The following MVB12B variants were observed in gnomAD, a reference collection of about 807,000 sequenced individuals.
MVB12B encodes multivesicular body subunit 12B, also known as ESCRT-I complex subunit MVB12B.
In MVB12B, 16 loss-of-function variants were observed where a neutral mutation model predicts 41.6. The observed-to-expected ratio is 0.38, with a 90% confidence interval of 0.26 to 0.58. The LOEUF is 0.58. MVB12B is among the 20% of genes least tolerant of loss of function. The pLI, the probability that MVB12B is intolerant of heterozygous loss-of-function variation, is 0.62. For synonymous variants in MVB12B, 133 were observed against 139.7 expected (o/e 0.95, Z 0.34); for missense variants, 274 against 380.2 (o/e 0.72, Z 2.32).
intron 7 of MVB12B, among the ~76,000 whole-genome samples, chr9:126,469,542 C>G (rs757988186): frequency 6.6e-6 from 1 of 152,244 alleles, no homozygotes; most frequent in African/African-American, 2.4e-5. Context: ...GGGGGACAGG[C>G]GTGCTCCGTA....
chr9:126,420,297 T>A (rs1437801810), intron 6 of MVB12B, among the ~76,000 whole-genome samples: 1 of 152,244 alleles, frequency 6.6e-6, no homozygotes. Flanking sequence ...GTTCCCTCCA[T>A]GCACGCCAGT....
Position 126,468,034 on chromosome 9 carries a change from C to CT in MVB12B, c.758-13334dup, listed in dbSNP as rs745384527. ...CACACACAGATGTGCGCTTATGTAT[C>CT]TGTCTACAACTACATATTAAAACCG... On this transcript the variant is annotated intron_variant, in intron 7 of 9. Transcript: ENST00000361171. This position sits in a 1 kb window ranked among gnomAD's most constrained non-coding sequence, Gnocchi z 4.3. 1.3e-5 allele frequency among the ~76,000 whole-genome samples: 2 copies of CT among 152,236 alleles called. No homozygotes were observed. The highest frequency in any genetic ancestry group is 2.4e-5 in the African/African-American group (1 of 41,458).
At position 126,361,789 on chromosome 9, in the gene MVB12B, C is replaced by G. The variant is rs113211868; in HGVS notation, c.205-19275C>G. ...ATTAGCTGGGTGTGATGGTGCACAC[C>G]TGTAATCCCAGCAGCTCAGGAGGTT... On this transcript the variant is annotated intron_variant, in intron 2 of 9. Coordinates refer to ENST00000361171, the MANE Select transcript of MVB12B (RefSeq NM_033446.3). Among the ~76,000 whole-genome samples the G allele has an allele frequency of 3.4e-3, 517 of 151,926 alleles. 4 individuals carry two copies. Among genetic ancestry groups the G allele is most frequent in the African/African-American group, 0.012 (507 of 41,432 alleles).
chr9:126,470,968 G>A (rs543919537), intron 7 of MVB12B, among the ~76,000 whole-genome samples: 7 of 152,304 alleles, frequency 4.6e-5, no homozygotes, highest in African/African-American at 1.7e-4. Context: ...TGAGCAGTTC[G>A]TTCGTACCTA....
chr9:126,400,412 C>T (rs921859539), intron 6 of MVB12B, among the ~76,000 whole-genome samples: 9 of 152,252 alleles, frequency 5.9e-5, no homozygotes, highest in Non-Finnish European at 1.2e-4. Context: ...AGGGGTGATG[C>T]GCTCCCAGAT....
intron 2 of MVB12B, among the ~76,000 whole-genome samples, chr9:126,354,589 G>A (rs1366170535): frequency 6.6e-6 from 1 of 152,192 alleles, no homozygotes; most frequent in Admixed American, 6.5e-5. Context: ...CCAGTAATGA[G>A]ACAATTAGAT....
intron 6 of MVB12B, among the ~76,000 whole-genome samples, chr9:126,418,175 G>A (rs1356595061): frequency 6.6e-6 from 1 of 151,172 alleles, no homozygotes; most frequent in Middle Eastern, 3.4e-3. Context: ...GGGGTGGGGG[G>A]TGGTGGGCAG....
rs144705827 is a variant in MVB12B at position 126,377,365 on chromosome 9, G to A, written c.205-3699G>A. Among the ~76,000 whole-genome samples the A allele has an allele frequency of 9.2e-5, 14 of 152,304 alleles. No individual in the cohort carries two copies. The East Asian group carries it at 2.5e-3, about 27-fold the overall frequency. On this transcript the variant is annotated intron_variant, in intron 2 of 9. Transcript: ENST00000361171. ...AGGTTCTGCAGTCAGCAGACATATC[G>A]AGTTGTCTTGGGAACAAGGCAGCAA...
At chr9:126,487,508 C>T (rs1833644990) in intron 9 of MVB12B, among the ~76,000 whole-genome samples, 1 of 152,118 alleles carries the variant, frequency 6.6e-6, no homozygotes, top group Non-Finnish European at 1.5e-5. Flanking sequence ...GCCTGTAATC[C>T]CAGCACTTTG....
Position 126,506,656 on chromosome 9 carries a change from GC to G in MVB12B, c.*3398del. 1 of 152,504 alleles carries G rather than the reference GC, an allele frequency of 6.6e-6. No individual in the cohort carries two copies. Among genetic ancestry groups the G allele is most frequent in the Non-Finnish European group, 1.5e-5 (1 of 68,134 alleles). The allele number at this position is 152,504 out of a possible 1,614,324, so 9.4% of individuals were successfully genotyped here. A position where few individuals can be genotyped will look rare whatever the true frequency, so the allele number is the denominator to read the frequency against. On this transcript the variant is annotated 3_prime_UTR_variant, in exon 10 of 10. Coordinates refer to ENST00000361171, the MANE Select transcript of MVB12B (RefSeq NM_033446.3). ...AGCAAAGGAGGGCCTTGAGGAAGCA[GC>G]CCCCAGGCCTGGCAGCCACGCAGCG... is the stretch of plus-strand genomic sequence containing the variant.
rs147676497 is a variant in MVB12B at position 126,486,028 on chromosome 9, T to TTATTGAAAGATGG, written c.873+1997_873+2009dup. ...ACCCAGCTAGCAGAAGCCGGCTGCATTATTGAAAGATGGCTGAAATCAAGC... is the reference window on the plus strand; with the variant it reads ...ACCCAGCTAGCAGAAGCCGGCTGCATTATTGAAAGATGGTATTGAAAGATGGCTGAAATCAAGC... On this transcript the variant is annotated intron_variant, in intron 9 of 9. Transcript: ENST00000361171. The surrounding 1 kb of genome is among the most constrained non-coding windows in gnomAD (Gnocchi z 4.7). Among the ~76,000 whole-genome samples the TTATTGAAAGATGG allele has an allele frequency of 7.8e-4, 119 of 152,264 alleles. No homozygotes were observed. Among genetic ancestry groups the TTATTGAAAGATGG allele is most frequent in the African/African-American group, 2.8e-3 (116 of 41,550 alleles).
At chr9:126,385,091 C>A (rs1394994088) in intron 3 of MVB12B, among the ~76,000 whole-genome samples, 2 of 152,088 alleles carry the variant, frequency 1.3e-5, no homozygotes, top group Non-Finnish European at 2.9e-5. Flanking sequence ...CGCACTTTGG[C>A]CTCCCAAAGT....
intron 1 of MVB12B, among the ~76,000 whole-genome samples, chr9:126,335,718 C>T (rs1288360472): frequency 6.6e-6 from 1 of 152,204 alleles, no homozygotes; most frequent in Non-Finnish European, 1.5e-5. Context: ...TTTCCTACGG[C>T]GAATGAAATG....
In MVB12B at chr9:126,386,735, T is replaced by C. The variant is rs772965931; in HGVS notation, c.409+77T>C. 69 of 1,099,328 alleles carry C rather than the reference T, an allele frequency of 6.3e-5. No individual in the cohort carries two copies. The highest frequency in any genetic ancestry group is 2.1e-4 in the Admixed American group (11 of 52,768). 68.1% of individuals were successfully genotyped at this position (1,099,328 alleles called of 1,614,324 possible). ...GTATATTTGTAGGTGTTTTTCTATG[T>C]GCATTTTTCTTCAGAAACACTTTTG... On this transcript the variant is annotated intron_variant, in intron 4 of 9. Coordinates refer to ENST00000361171, the MANE Select transcript of MVB12B (RefSeq NM_033446.3). The surrounding 1 kb of genome is among the most constrained non-coding windows in gnomAD (Gnocchi z 4.3).
intron 6 of MVB12B, among the ~76,000 whole-genome samples, chr9:126,411,061 T>C (rs1030495818): frequency 6.6e-6 from 1 of 152,082 alleles, no homozygotes; most frequent in Admixed American, 6.6e-5. Context: ...CTAATTTTTA[T>C]ATTTTTTAGT....
rs185961140 is a variant in MVB12B at position 126,374,178 on chromosome 9, G to A, written c.205-6886G>A. ...GAGCCCCAATAAACATGTCAATAACGCTCATCCCATCTTACCAGGCTCCAG... is the reference window on the plus strand; with the variant it reads ...GAGCCCCAATAAACATGTCAATAACACTCATCCCATCTTACCAGGCTCCAG... On this transcript the variant is annotated intron_variant, in intron 2 of 9. Coordinates refer to ENST00000361171, the MANE Select transcript of MVB12B (RefSeq NM_033446.3). Among the ~76,000 whole-genome samples, 65 of 152,218 alleles carry A rather than the reference G, an allele frequency of 4.3e-4. 1 individual carries two copies. The highest frequency in any genetic ancestry group is 3.4e-3 in the Middle Eastern group (1 of 294).
chr9:126,455,051 G>A (rs1049598523), intron 7 of MVB12B, among the ~76,000 whole-genome samples: 2 of 152,092 alleles, frequency 1.3e-5, no homozygotes, highest in African/African-American at 4.8e-5. Context: ...GGGCTACCTG[G>A]GCCAAAACCC....
chr9:126,358,360 A>G (rs1829939321), intron 2 of MVB12B, among the ~76,000 whole-genome samples: 1 of 150,786 alleles, frequency 6.6e-6, no homozygotes, highest in Non-Finnish European at 1.5e-5. Context: ...GCCTTCTGGG[A>G]TTTTGATTGG....
intron 7 of MVB12B, among the ~76,000 whole-genome samples, chr9:126,448,992 G>A (rs188856146): frequency 6.6e-6 from 1 of 152,346 alleles, no homozygotes; most frequent in East Asian, 1.9e-4. Flanking sequence ...CAGAGCGCTA[G>A]GCAGCGTGGC....
Sources: allele counts gnomAD v4.1 joint callset (sites outside exome capture counted in the v4.1 genomes callset), GRCh38; gene constraint gnomAD v4.1.1; non-coding constraint Gnocchi (gnomAD v3.1); transcripts MANE v1.5; gene names NCBI Gene and HGNC (gene_info 2026-07-23, HGNC 2026-07-21).